RFPL1: variants seen among roughly 807,000 people sequenced by gnomAD.
RFPL1 encodes ret finger protein-like 1.
In RFPL1, 6 loss-of-function variants were observed where a neutral mutation model predicts 9.6. The observed-to-expected ratio is 0.62, with a 90% confidence interval of 0.34 to 1.23. The LOEUF is 1.23. Ranked by LOEUF, RFPL1 falls within the 50% of genes most tolerant of loss-of-function variation. The pLI is 0.03. For missense variants in RFPL1, 352 were observed against 398.4 expected, an observed-to-expected ratio of 0.88 and a Z score of 0.99; for synonymous variants, 145 against 149.4, an observed-to-expected ratio of 0.97 and a Z score of 0.22.
At chr22:29,441,946 G>A in exon 2 of RFPL1, 1 of 1,613,256 alleles carries the variant, frequency 6.2e-7, no homozygotes, top group East Asian at 2.2e-5. Context: ...TTCCTTTTTT[G>A]ATGCTGAAGG....
At chr22:29,427,480 C>G in the RFPL1 span, among the ~76,000 whole-genome samples, 1 of 152,216 alleles carries the variant, frequency 6.6e-6, no homozygotes, top group African/African-American at 2.4e-5. Flanking sequence ...GATTCTGACA[C>G]AGCCTCCATC....
At chr22:29,439,310 G>A in intron 1 of RFPL1, 146 bp downstream of exon 1, 1 of 1,219,002 alleles carries the variant, frequency 8.2e-7, no homozygotes, top group Non-Finnish European at 1.1e-6. Flanking sequence ...TCTCAGCCCT[G>A]ACAACATACA....
upstream of RFPL1, chr22:29,438,096 AC>A (rs58248313): frequency 0.67 from 123,223 of 183,114 alleles, 42,244 homozygotes; most frequent in East Asian, 0.93. Flanking sequence ...CTGATCTCAA[AC>A]TCCTTGGCTC....
At chr22:29,395,300 G>C in the RFPL1 span, among the ~76,000 whole-genome samples, 1 of 152,104 alleles carries the variant, frequency 6.6e-6, no homozygotes, top group African/African-American at 2.4e-5. Context: ...TTGCTTGCTG[G>C]TTTTTGTTGT....
the RFPL1 span, among the ~76,000 whole-genome samples, chr22:29,414,321 A>T: frequency 6.6e-6 from 1 of 152,230 alleles, no homozygotes; most frequent in Non-Finnish European, 1.5e-5. Flanking sequence ...ATTAGAAATT[A>T]CCATAATACA....
chr22:29,441,985 G>A (rs2062842674), exon 2 of RFPL1: 1 of 1,614,134 alleles, frequency 6.2e-7, no homozygotes, highest in Non-Finnish European at 8.5e-7. Flanking sequence ...ATTCAGGAGT[G>A]TCTCTGCTGA....
the RFPL1 span, among the ~76,000 whole-genome samples, chr22:29,410,081 T>C: frequency 6.6e-6 from 1 of 151,404 alleles, no homozygotes; most frequent in African/African-American, 2.4e-5. Flanking sequence ...CTGTTTGACA[T>C]GTTGTTTTCT....
chr22:29,431,003 C>T, the RFPL1 span, among the ~76,000 whole-genome samples: 1 of 151,994 alleles, frequency 6.6e-6, no homozygotes. Flanking sequence ...GTTAAAATTA[C>T]GGCATGATTA....
At chr22:29,437,896 G>A (rs147060264), upstream of RFPL1, 1,500 of 565,960 alleles carry the variant, frequency 2.7e-3, 20 homozygotes, top group African/African-American at 0.027. Flanking sequence ...CAGATCTCCA[G>A]TCTAGGAGTG....
chr22:29,416,831 T>C, the RFPL1 span, among the ~76,000 whole-genome samples: 1 of 152,194 alleles, frequency 6.6e-6, no homozygotes, highest in Non-Finnish European at 1.5e-5. Flanking sequence ...TCAAATAACC[T>C]GCCTGGAGGA....
chr22:29,435,384 T>C (rs1433693929), upstream of RFPL1, among the ~76,000 whole-genome samples: 1 of 152,204 alleles, frequency 6.6e-6, no homozygotes, highest in Non-Finnish European at 1.5e-5. Flanking sequence ...TCTTGTGAAT[T>C]TGACTCATTT....
At chr22:29,407,778 C>A in the RFPL1 span, among the ~76,000 whole-genome samples, 1 of 152,210 alleles carries the variant, frequency 6.6e-6, no homozygotes, top group African/African-American at 2.4e-5. Flanking sequence ...TGACTTCTTT[C>A]TTTCCTTTGT....
the RFPL1 span, among the ~76,000 whole-genome samples, chr22:29,390,508 C>T: frequency 0.4 from 60,186 of 151,866 alleles, 13,302 homozygotes; most frequent in East Asian, 0.68. Flanking sequence ...TATATATCTG[C>T]AGTATAATAG....
the RFPL1 span, among the ~76,000 whole-genome samples, chr22:29,388,244 T>C: frequency 6.6e-6 from 1 of 152,104 alleles, no homozygotes; most frequent in Non-Finnish European, 1.5e-5. Flanking sequence ...GGCGGCCAAG[T>C]GGGCGCGAAT....
chr22:29,393,331 A>G, the RFPL1 span, among the ~76,000 whole-genome samples: 3 of 152,180 alleles, frequency 2.0e-5, no homozygotes, highest in East Asian at 3.8e-4. Context: ...CCCTACTTCC[A>G]TGAGGGCCTG....
chr22:29,393,643 G>A, the RFPL1 span, among the ~76,000 whole-genome samples: 2 of 152,220 alleles, frequency 1.3e-5, no homozygotes, highest in South Asian at 2.1e-4. Context: ...CTTGCCCTAG[G>A]ATGTGGGGAG....
the RFPL1 span, among the ~76,000 whole-genome samples, chr22:29,415,433 C>T: frequency 5.3e-5 from 8 of 152,228 alleles, no homozygotes; most frequent in Non-Finnish European, 1.2e-4. Flanking sequence ...GGGGGCCTGC[C>T]ATGCACTGCT....
the RFPL1 span, among the ~76,000 whole-genome samples, chr22:29,429,414 G>GC: frequency 6.6e-6 from 1 of 151,688 alleles, no homozygotes; most frequent in Admixed American, 6.6e-5. Context: ...GGCTAACTAA[G>GC]AAAAAAGAAG....
chr22:29,428,126 C>T, the RFPL1 span, among the ~76,000 whole-genome samples: 6 of 152,130 alleles, frequency 3.9e-5, no homozygotes, highest in East Asian at 1.9e-4. Context: ...TTTAGGGATA[C>T]GTTTTCACAG....
Sources: gnomAD v4.1 joint callset for allele counts (sites outside exome capture counted in the v4.1 genomes callset) on GRCh38, gnomAD v4.1.1 for gene constraint, MANE v1.5 for transcripts, NCBI Gene and HGNC (gene_info 2026-07-23, HGNC 2026-07-21) for gene names.